The following SDC4 variants were observed in gnomAD, a reference collection of about 807,000 sequenced individuals.
SDC4 encodes the protein syndecan-4.
In SDC4, 17 loss-of-function variants were observed where a neutral mutation model predicts 20.5. The observed-to-expected ratio is 0.83, with a 90% CI of 0.57 to 1.25. SDC4 has a LOEUF of 1.25. Among genes scored for constraint, SDC4 ranks in the 50% most tolerant of loss-of-function variants. The pLI is 0.00. For missense variants in SDC4, 241 were observed against 252.3 expected (o/e 0.96, Z 0.30); for synonymous variants, 107 against 105.3 (o/e 1.02, Z -0.10).
chr20:45,328,242 G>A (rs1025329792), intron 4 of SDC4, among the ~76,000 whole-genome samples: 9 of 152,168 alleles, frequency 5.9e-5, no homozygotes, highest in Admixed American at 3.3e-4. Flanking sequence ...GAACTCAGTA[G>A]CTAAGGCCTG....
chr20:45,333,622 T>C (rs1037530646), intron 2 of SDC4, among the ~76,000 whole-genome samples: 1 of 152,210 alleles, frequency 6.6e-6, no homozygotes, highest in African/African-American at 2.4e-5. Context: ...TGGGCCAAGA[T>C]GGTACCACCG....
intron 1 of SDC4, among the ~76,000 whole-genome samples, chr20:45,340,144 C>T (rs1372317084): frequency 1.3e-5 from 2 of 152,164 alleles, no homozygotes; most frequent in Non-Finnish European, 2.9e-5. Flanking sequence ...AGTCTTTTGG[C>T]TATAGGCATG....
chr20:45,337,622 T>C (rs947280359), intron 1 of SDC4, among the ~76,000 whole-genome samples: 11 of 152,326 alleles, frequency 7.2e-5, no homozygotes, highest in East Asian at 5.8e-4. Context: ...AGAAGGAACA[T>C]CTGTCCCTAA....
At chr20:45,338,393 A>G (rs1421699527) in intron 1 of SDC4, among the ~76,000 whole-genome samples, 1 of 152,158 alleles carries the variant, frequency 6.6e-6, no homozygotes, top group Non-Finnish European at 1.5e-5. Flanking sequence ...GGGAGAAAGA[A>G]AGAATGGTAC....
chr20:45,339,663 C>T (rs1364143137), intron 1 of SDC4, among the ~76,000 whole-genome samples: 2 of 152,136 alleles, frequency 1.3e-5, no homozygotes, highest in African/African-American at 2.4e-5. Context: ...TCACTTGAGC[C>T]CAGGAGGTCG....
intron 3 of SDC4, among the ~76,000 whole-genome samples, chr20:45,331,759 T>C (rs1987781284): frequency 6.6e-6 from 1 of 152,228 alleles, no homozygotes; most frequent in Non-Finnish European, 1.5e-5. Context: ...AGTTACTCTA[T>C]ATGGTCTAAA....
At chr20:45,328,524 A>G (rs1454662884) in intron 4 of SDC4, among the ~76,000 whole-genome samples, 1 of 152,192 alleles carries the variant, frequency 6.6e-6, no homozygotes, top group East Asian at 1.9e-4. Context: ...TGATACTTTC[A>G]GGCTCCGAGA....
chr20:45,328,859 A>G (rs1225737067), intron 4 of SDC4, among the ~76,000 whole-genome samples: 1 of 152,212 alleles, frequency 6.6e-6, no homozygotes, highest in Non-Finnish European at 1.5e-5. Context: ...GAGCAAGCAC[A>G]TGGAATATCA....
intron 1 of SDC4, among the ~76,000 whole-genome samples, chr20:45,336,794 G>C (rs1428639365): frequency 2.0e-5 from 3 of 152,010 alleles, no homozygotes; most frequent in Admixed American, 6.6e-5. Flanking sequence ...AGACAGGGCT[G>C]CCTCACGCAC....
intron 1 of SDC4, among the ~76,000 whole-genome samples, chr20:45,343,041 A>G (rs967631543): frequency 5.9e-5 from 9 of 152,184 alleles, no homozygotes; most frequent in Middle Eastern, 3.2e-3. Context: ...TCCCTGGGTG[A>G]GCAGCAGAGC....
At chr20:45,348,224 A>AT in intron 1 of SDC4, 101 bp downstream of exon 1, 1 of 862,382 alleles carries the variant, frequency 1.2e-6, no homozygotes, top group Non-Finnish European at 1.8e-6. Flanking sequence ...GGGGTAGCGT[A>AT]CCCCCGATCT....
chr20:45,330,293 T>G, intron 4 of SDC4, 73 bp downstream of exon 4: 1 of 1,393,934 alleles, frequency 7.2e-7, no homozygotes. Context: ...GAGGCATCCC[T>G]GCCTGCAGGT....
chr20:45,342,882 C>G (rs1268452849), intron 1 of SDC4, among the ~76,000 whole-genome samples: 1 of 152,206 alleles, frequency 6.6e-6, no homozygotes, highest in Admixed American at 6.5e-5. Context: ...AAGCCAAACT[C>G]TGGCCGGGTT....
Position 45,330,291 on chromosome 20 carries a change from C to T in SDC4, c.445+75G>A, listed in dbSNP as rs935872413. The T allele has an allele frequency of 6.5e-6, 9 of 1,378,206 alleles. No homozygotes were observed. In the African/African-American group the frequency reaches 1.3e-4, roughly 20 times the overall value. The allele number at this position is 1,378,206 out of a possible 1,614,324, so 85.4% of individuals were successfully genotyped here. On this transcript the variant is annotated intron_variant, in intron 4 of 4. Coordinates refer to ENST00000372733, the MANE Select transcript of SDC4 (RefSeq NM_002999.4). ...AAGGAGCCTCATGGCTGGAGGCATC[C>T]CTGCCTGCAGGTGCTCTCCCCCGCT...
chr20:45,330,412 G>A lies in SDC4; in HGVS notation c.399C>T (p.Ser133=), dbSNP rs1398015055. Residue 133 remains serine (S), a synonymous_variant, in exon 4 of 5, where the codon AGC becomes AGT. Coordinates refer to ENST00000372733, the MANE Select transcript of SDC4 (RefSeq NM_002999.4). ...EDVSNKVSMS[S]TVQGSNIFER... ...CAAAGATGTTGCTGCCCTGCACAGTGCTGGACATTGACACCTTGTTGGACA... is the reference window on the plus strand; with the variant it reads ...CAAAGATGTTGCTGCCCTGCACAGTACTGGACATTGACACCTTGTTGGACA... The A allele has an allele frequency of 6.2e-7, 1 of 1,614,196 alleles. No homozygotes were observed. The highest frequency in any genetic ancestry group is 1.7e-5 in the Admixed American group (1 of 60,026).
intron 1 of SDC4, among the ~76,000 whole-genome samples, chr20:45,341,749 T>C (rs1987955886): frequency 6.6e-6 from 1 of 152,078 alleles, no homozygotes. Flanking sequence ...CAACCAGCTT[T>C]TCACCAAGCC....
At chr20:45,329,742 T>C (rs999791154) in intron 4 of SDC4, among the ~76,000 whole-genome samples, 1 of 150,902 alleles carries the variant, frequency 6.6e-6, no homozygotes, top group African/African-American at 2.5e-5. Flanking sequence ...CCATCCCTTT[T>C]GTCAACACCT....
intron 4 of SDC4, among the ~76,000 whole-genome samples, chr20:45,328,705 TAAG>T (rs1304181201): frequency 6.6e-6 from 1 of 152,162 alleles, no homozygotes; most frequent in African/African-American, 2.4e-5. Flanking sequence ...TTACTCGGGC[TAAG>T]AAGATTAATT....
In SDC4 at chr20:45,348,405, G is replaced by A. The variant is rs1025949595; in HGVS notation, c.-21C>T. 1.9e-6 allele frequency: 3 copies of A among 1,541,824 alleles called. No homozygotes were observed. The African/African-American group carries it at 4.2e-5, about 22-fold the overall frequency. ...GCCATGGCACCGCGGACTGGAGAAGGCGCGCAGGCTGCGGCGAGTGGCCCC... is the reference window on the plus strand; with the variant it reads ...GCCATGGCACCGCGGACTGGAGAAGACGCGCAGGCTGCGGCGAGTGGCCCC... On this transcript the variant is annotated 5_prime_UTR_variant, in exon 1 of 5. Coordinates refer to ENST00000372733, the MANE Select transcript of SDC4 (RefSeq NM_002999.4).
Sources: gnomAD v4.1 joint callset for allele counts (sites outside exome capture counted in the v4.1 genomes callset) on GRCh38, gnomAD v4.1.1 for gene constraint, MANE v1.5 for transcripts, NCBI Gene and HGNC (gene_info 2026-07-23, HGNC 2026-07-21) for gene names.